Variants in IL32 observed in about 807,000 individuals in gnomAD.
The protein encoded by IL32 is interleukin 32.
IL32 carries 30 observed loss-of-function variants against 16.6 expected under a neutral mutation model. The observed-to-expected ratio is 1.81, with a 90% confidence interval of 1.35 to 2.45. The LOEUF (loss-of-function observed/expected upper bound fraction) is 2.45, where lower values mean the gene tolerates loss of function less well. Ranked by LOEUF, IL32 falls within the 30% of genes most tolerant of loss-of-function variation. The probability of loss-of-function intolerance (pLI) is 0.00; values close to 1 mark genes in which losing one functional copy is unlikely to be tolerated. For missense variants in IL32, 234 were observed against 229.8 expected (o/e 1.02, Z -0.12); for synonymous variants, 70 against 86.1 (o/e 0.81, Z 1.03).
Position 3,065,689 on chromosome 16 carries a change from T to G in IL32, c.-29+2T>G. 3 of 982,284 alleles carry G rather than the reference T, an allele frequency of 3.1e-6. No homozygotes were observed. The highest frequency in any genetic ancestry group is 5.0e-6 in the Non-Finnish European group (3 of 605,418). The allele number at this position is 982,284 out of a possible 1,614,324, so 60.8% of individuals were successfully genotyped here. A position where few individuals can be genotyped will look rare whatever the true frequency, so the allele number is the denominator to read the frequency against. On this transcript the variant is annotated splice_donor_variant, in intron 1 of 6. Coordinates refer to ENST00000525643, the MANE Select transcript of IL32 (RefSeq NM_001376923.1). LOFTEE classifies it low-confidence loss of function (5UTR_SPLICE). The stretch of plus-strand genomic sequence containing the variant: ...CTCAGTGGAGCTGGGTCATCTCAGG[T>G]GGGGAGTTGGGGTCCCCGAAGGTGA...
chr16:3,068,096 G>C, intron 5 of IL32, 84 bp from the exon 6 acceptor site: 1 of 1,605,764 alleles, frequency 6.2e-7, no homozygotes, highest in Non-Finnish European at 8.5e-7. Flanking sequence ...GGGTCCCCTT[G>C]GGAATCACCT....
chr16:3,066,780 T>C (rs1014567604), intron 2 of IL32, among the ~76,000 whole-genome samples: 11 of 152,224 alleles, frequency 7.2e-5, no homozygotes, highest in Non-Finnish European at 1.3e-4. Context: ...CTAAACATTT[T>C]TTCCTTGGCC....
At chr16:3,068,307 T>G in intron 6 of IL32, 68 bp downstream of exon 6, 2 of 1,390,470 alleles carry the variant, frequency 1.4e-6, no homozygotes, top group Non-Finnish European at 2.0e-6. Flanking sequence ...TCTTTCTTTC[T>G]TTCTTTTTGT....
chr16:3,067,469 T>C (rs762223099), intron 3 of IL32, 54 bp downstream of exon 3: 2 of 1,613,522 alleles, frequency 1.2e-6, no homozygotes, highest in African/African-American at 2.7e-5. Context: ...TCTCAGCGTG[T>C]GACACTGAGG....
intron 6 of IL32, chr16:3,068,639 G>C (rs1596263529): frequency 7.1e-6 from 3 of 422,166 alleles, no homozygotes; most frequent in East Asian, 5.1e-5. Flanking sequence ...ATGTGGTGTG[G>C]GCAGGGTGTG....
intron 5 of IL32, 70 bp from the exon 6 acceptor site, chr16:3,068,110 C>G: frequency 1.9e-6 from 3 of 1,600,826 alleles, no homozygotes; most frequent in Non-Finnish European, 2.6e-6. Flanking sequence ...ATCACCTGGA[C>G]CAGTGGGGGC....
chr16:3,068,243 A>C lies in IL32; in HGVS notation c.201+4A>C, dbSNP rs1017968932. 1.3e-6 allele frequency: 2 copies of C among 1,590,094 alleles called. No homozygotes were observed. Among genetic ancestry groups the C allele is most frequent in the Admixed American group, 1.8e-5 (1 of 56,288 alleles). Reference sequence around the variant, plus strand: ...TTATTATGAGGAGCAGCACCCAGTGAGTATGACACACCCATCTGGGCACCT... The same window carrying C: ...TTATTATGAGGAGCAGCACCCAGTGCGTATGACACACCCATCTGGGCACCT... On this transcript the variant is annotated splice_donor_region_variant and intron_variant, in intron 6 of 6. Transcript: ENST00000525643.
At position 3,067,587 on chromosome 16, in the gene IL32, C is replaced by G. The variant is rs761341688; in HGVS notation, c.88C>G (p.Gln30Glu). The G allele has an allele frequency of 5.0e-6, 8 of 1,613,724 alleles. No homozygotes were observed. The highest frequency in any genetic ancestry group is 5.1e-6 in the Non-Finnish European group (6 of 1,179,776). ...QAIERFYDKM[Q>E]NAESGRGQVM... ...CATAGAAAGATTTTATGATAAAATG[C>G]AAAATGCAGAATCAGGACGTGGACA... The change falls in exon 4 of 7, where the codon CAA (glutamine) becomes GAA (glutamate). Residue 30 changes from glutamine (Q) to glutamate (E), a missense_variant. Physicochemically the swap from Gln to Glu is conservative, Grantham distance 29. This residue lies in a region of IL32 where 137 missense variants were observed against 80.7 expected (regional missense o/e 1.70). Transcript: ENST00000525643.
rs760045825 is a variant in IL32 at position 3,069,304 on chromosome 16, C to T, written c.516C>T (p.Asp172=). Residue 172 remains aspartate, a synonymous_variant, in exon 7 of 7, where the codon GAC becomes GAT. Coordinates refer to ENST00000525643, the MANE Select transcript of IL32 (RefSeq NM_001376923.1). The stretch of plus-strand genomic sequence containing the variant: ...AGTCCTACGGAGCCCCACGGGGGGA[C>T]AAGGAGGAGCTGACACCCCAGAAGT... ...SFQSYGAPRG[D]KEELTPQKCS... The T allele has an allele frequency of 6.7e-7, 1 of 1,489,866 alleles. No homozygotes were observed. Among genetic ancestry groups the T allele is most frequent in the African/African-American group, 1.4e-5 (1 of 72,974 alleles). 92.3% of individuals were successfully genotyped at this position (1,489,866 alleles called of 1,614,324 possible).
intron 2 of IL32, among the ~76,000 whole-genome samples, chr16:3,066,263 C>T (rs1255849903): frequency 6.6e-6 from 1 of 152,194 alleles, no homozygotes; most frequent in African/African-American, 2.4e-5. Flanking sequence ...GCTAGGCCCA[C>T]CACACCCTCC....
At chr16:3,066,287 G>T (rs1168991685) in intron 2 of IL32, among the ~76,000 whole-genome samples, 1 of 152,174 alleles carries the variant, frequency 6.6e-6, no homozygotes, top group African/African-American at 2.4e-5. Flanking sequence ...GAGCTCTTCG[G>T]CCTGTGACAA....
In IL32 at chr16:3,068,242, G is replaced by A. The variant is rs1221041342; in HGVS notation, c.201+3G>A. On this transcript the variant is annotated splice_donor_region_variant and intron_variant, in intron 6 of 6. Coordinates refer to ENST00000525643, the MANE Select transcript of IL32 (RefSeq NM_001376923.1). ...CTTATTATGAGGAGCAGCACCCAGTGAGTATGACACACCCATCTGGGCACC... is the reference window on the plus strand; with the variant it reads ...CTTATTATGAGGAGCAGCACCCAGTAAGTATGACACACCCATCTGGGCACC... 6.9e-6 allele frequency: 11 copies of A among 1,591,080 alleles called. No individual in the cohort carries two copies. Among genetic ancestry groups the A allele is most frequent in the African/African-American group, 2.7e-5 (2 of 74,474 alleles).
Position 3,065,776 on chromosome 16 carries a change from G to C in IL32, c.-28-8G>C. 6.2e-6 allele frequency: 10 copies of C among 1,613,996 alleles called. No individual in the cohort carries two copies. Among genetic ancestry groups the C allele is most frequent in the South Asian group, 1.1e-5 (1 of 91,078 alleles). On this transcript the variant is annotated splice_region_variant and splice_polypyrimidine_tract_variant and intron_variant, in intron 1 of 6. Coordinates refer to ENST00000525643, the MANE Select transcript of IL32 (RefSeq NM_001376923.1). The stretch of plus-strand genomic sequence containing the variant: ...TTTCTTTTCCTCACACCTGTTCCTC[G>C]CCAGCAGGCCTTGGCTCCTTGAACT...
chr16:3,067,744 C>G lies in IL32; in HGVS notation c.114+131C>G. 5.7e-6 allele frequency: 5 copies of G among 880,762 alleles called. No homozygotes were observed. The South Asian group carries it at 7.5e-5, about 13-fold the overall frequency. The allele number at this position is 880,762 out of a possible 1,614,324, so 54.6% of individuals were successfully genotyped here. A position where few individuals can be genotyped will look rare whatever the true frequency, so the allele number is the denominator to read the frequency against. ...CCTCACCCCTTACCGTGGGCAAATG[C>G]TTGCACCTGGGTGGCAGTGAGTGGG... is the stretch of plus-strand genomic sequence containing the variant. On this transcript the variant is annotated intron_variant, in intron 4 of 6. Coordinates refer to ENST00000525643, the MANE Select transcript of IL32 (RefSeq NM_001376923.1).
chr16:3,068,318 T>G, intron 6 of IL32, 79 bp downstream of exon 6: 1 of 1,349,402 alleles, frequency 7.4e-7, no homozygotes, highest in Non-Finnish European at 1.0e-6. Flanking sequence ...TTCTTTTTGT[T>G]TATTTGAGAC....
Position 3,067,538 on chromosome 16 carries a change from C to G in IL32, c.55-16C>G, listed in dbSNP as rs1956521874. The G allele has an allele frequency of 6.8e-6, 11 of 1,613,980 alleles. No individual in the cohort carries two copies. The highest frequency in any genetic ancestry group is 2.7e-5 in the African/African-American group (2 of 74,876). Reference sequence around the variant, plus strand: ...AGGATCCGGCCCTTTGGTGCCAACTCTGCCTCTCTTCACAGCACCAGGCCA... The same window carrying G: ...AGGATCCGGCCCTTTGGTGCCAACTGTGCCTCTCTTCACAGCACCAGGCCA... On this transcript the variant is annotated splice_polypyrimidine_tract_variant and intron_variant, in intron 3 of 6. Coordinates refer to ENST00000525643, the MANE Select transcript of IL32 (RefSeq NM_001376923.1).
At chr16:3,067,221 G>A (rs1956442882) in intron 2 of IL32, among the ~76,000 whole-genome samples, 156 bp from the exon 3 acceptor site, 1 of 151,790 alleles carries the variant, frequency 6.6e-6, no homozygotes. Context: ...GGCTGTGAGG[G>A]GCTCCTGGGA....
chr16:3,067,796 A>G (rs552860072), intron 4 of IL32, 183 bp downstream of exon 4: 13 of 804,702 alleles, frequency 1.6e-5, no homozygotes, highest in Non-Finnish European at 2.0e-5. Context: ...ACGCCCGGGG[A>G]GACTGAGGGA....
chr16:3,067,883 T>C (rs1956581306), intron 4 of IL32, 101 bp from the exon 5 acceptor site: 4 of 1,393,848 alleles, frequency 2.9e-6, no homozygotes, highest in Non-Finnish European at 4.1e-6. Context: ...TGGGCCCAGT[T>C]CGGGGTGTGT....
Sources: allele counts gnomAD v4.1 joint callset (sites outside exome capture counted in the v4.1 genomes callset), GRCh38; gene constraint gnomAD v4.1.1; regional missense constraint gnomAD v4.1.1; transcripts MANE v1.5; gene names NCBI Gene and HGNC (gene_info 2026-07-23, HGNC 2026-07-21).